MAPKAP1: variants seen among roughly 807,000 people sequenced by gnomAD.
MAPKAP1 encodes the protein target of rapamycin complex 2 subunit MAPKAP1.
In MAPKAP1, 20 loss-of-function variants were observed where a neutral mutation model predicts 65.7. The ratio of observed to expected loss-of-function variants is 0.30; its 90% confidence interval spans 0.21 to 0.44. The LOEUF (loss-of-function observed/expected upper bound fraction) is 0.44, where lower values mean the gene tolerates loss of function less well. MAPKAP1 is among the 20% of genes least tolerant of loss of function. MAPKAP1 has a pLI of 1.00. For synonymous variants in MAPKAP1, 222 were observed against 244.3 expected, an observed-to-expected ratio of 0.91 and a Z score of 0.85; for missense variants, 423 against 648.0, an observed-to-expected ratio of 0.65 and a Z score of 3.77.
intron 3 of MAPKAP1, among the ~76,000 whole-genome samples, chr9:125,660,171 G>A (rs187329201): frequency 9.9e-5 from 15 of 152,160 alleles, no homozygotes; most frequent in Non-Finnish European, 1.6e-4. Flanking sequence ...CTACATTCAC[G>A]CCACTGGTGA....
chr9:125,602,940 G>T (rs1260188339), intron 4 of MAPKAP1, among the ~76,000 whole-genome samples: 1 of 152,140 alleles, frequency 6.6e-6, no homozygotes, highest in African/African-American at 2.4e-5. Flanking sequence ...TTTTGTCCAG[G>T]CTGGAGTACA....
chr9:125,533,842 C>A (rs1830001558), intron 7 of MAPKAP1, among the ~76,000 whole-genome samples: 1 of 151,996 alleles, frequency 6.6e-6, no homozygotes, highest in Admixed American at 6.5e-5. Flanking sequence ...CACAAATATG[C>A]AATCTAGCAC....
rs1832110202 is a variant in MAPKAP1, at chr9:125,595,870, G to A, written c.499-10143C>T. 2 of 1,139,316 alleles carry A rather than the reference G, an allele frequency of 1.8e-6. No homozygotes were observed. The highest frequency in any genetic ancestry group is 1.3e-6 in the Non-Finnish European group (1 of 762,186). The allele number at this position is 1,139,316 out of a possible 1,614,324, so 70.6% of individuals were successfully genotyped here. On this transcript the variant is annotated intron_variant, in intron 4 of 11. Transcript: ENST00000265960. The surrounding 1 kb of genome is among the most constrained non-coding windows in gnomAD (Gnocchi z 4.0). ...TCACCTATGCCACTGTGGAGGAGGTGGATGCAGCCATGAATGCAAGGCCAC... is the reference window on the plus strand; with the variant it reads ...TCACCTATGCCACTGTGGAGGAGGTAGATGCAGCCATGAATGCAAGGCCAC...
chr9:125,532,330 G>A (rs1453630415), intron 7 of MAPKAP1, among the ~76,000 whole-genome samples: 2 of 152,184 alleles, frequency 1.3e-5, no homozygotes, highest in Non-Finnish European at 2.9e-5. Context: ...GTATTCAGTA[G>A]ATGTAATCAA....
At chr9:125,662,971 G>GTACT (rs1371756551) in intron 3 of MAPKAP1, among the ~76,000 whole-genome samples, 8 of 152,152 alleles carry the variant, frequency 5.3e-5, no homozygotes, top group Non-Finnish European at 1.2e-4. Context: ...GACCAGCCAT[G>GTACT]TACTGTTCAT....
rs146734905 is a variant in MAPKAP1, at chr9:125,662,044, T to C, written c.350-4245A>G. ...GAGAAAAAAGAAAAATTTGAGATGA[T>C]TAGGGAAATATGAACGATAATCGGA... On this transcript the variant is annotated intron_variant, in intron 3 of 11. Coordinates refer to ENST00000265960, the MANE Select transcript of MAPKAP1 (RefSeq NM_001006617.3). Among the ~76,000 whole-genome samples the C allele has an allele frequency of 2.6e-5, 4 of 152,226 alleles. No homozygotes were observed. The East Asian group carries it at 7.7e-4, about 29-fold the overall frequency.
intron 1 of MAPKAP1, among the ~76,000 whole-genome samples, chr9:125,702,495 T>C (rs996671933): frequency 6.7e-6 from 1 of 148,780 alleles, no homozygotes; most frequent in Admixed American, 6.7e-5. Flanking sequence ...GATCGCGCCA[T>C]TGCACTCCAG....
At position 125,610,095 on chromosome 9, in the gene MAPKAP1, G is replaced by A. The variant is rs983671347; in HGVS notation, c.499-24368C>T. On this transcript the variant is annotated intron_variant, in intron 4 of 11. Transcript: ENST00000265960. ...AATATATTTGAAAAGCTTTTTTGGA[G>A]GGAAAGTTCTTATTTGAAAAAACAT... 2.0e-5 allele frequency among the ~76,000 whole-genome samples: 3 copies of A among 152,274 alleles called. No homozygotes were observed. The South Asian group carries it at 6.2e-4, about 32-fold the overall frequency.
At chr9:125,584,717 G>A (rs1221636144) in intron 5 of MAPKAP1, among the ~76,000 whole-genome samples, 6 of 152,104 alleles carry the variant, frequency 3.9e-5, no homozygotes, top group Admixed American at 1.3e-4. Context: ...GTGAGCCCCC[G>A]CACCCAGCTG....
chr9:125,581,333 A>C (rs1454026954), intron 5 of MAPKAP1, among the ~76,000 whole-genome samples: 1 of 152,260 alleles, frequency 6.6e-6, no homozygotes, highest in Non-Finnish European at 1.5e-5. Flanking sequence ...ATGATGTATG[A>C]TACAGTTTCT....
chr9:125,692,119 G>C (rs979863912), intron 1 of MAPKAP1, among the ~76,000 whole-genome samples: 10 of 152,160 alleles, frequency 6.6e-5, no homozygotes, highest in African/African-American at 2.4e-4. Flanking sequence ...TTCTCAAAAT[G>C]TTAAACAGAG....
rs1832099998 is a variant in MAPKAP1, at chr9:125,595,613, T to C, written c.499-9886A>G. 7 of 1,386,474 alleles carry C rather than the reference T, an allele frequency of 5.0e-6. No individual in the cohort carries two copies. Among genetic ancestry groups the C allele is most frequent in the South Asian group, 4.6e-5 (3 of 65,234 alleles). 85.9% of individuals were successfully genotyped at this position (1,386,474 alleles called of 1,614,324 possible). ...CATGCTATGTTTGTCAGCTTACTCC[T>C]TTCTGCCTGTGGACACGCCAAGGAA... On this transcript the variant is annotated intron_variant, in intron 4 of 11. Transcript: ENST00000265960. The surrounding 1 kb of genome is among the most constrained non-coding windows in gnomAD (Gnocchi z 4.0).
chr9:125,581,297 T>C (rs1304757166), intron 5 of MAPKAP1, among the ~76,000 whole-genome samples: 1 of 152,272 alleles, frequency 6.6e-6, no homozygotes, highest in East Asian at 1.9e-4. Context: ...CCAGAATGAC[T>C]ATACCATTTT....
rs576252049 is a variant in MAPKAP1 at position 125,584,220 on chromosome 9, G to A, written c.671+1335C>T. 2.0e-5 allele frequency among the ~76,000 whole-genome samples: 3 copies of A among 152,266 alleles called. No individual in the cohort carries two copies. In the South Asian group the frequency reaches 6.2e-4, roughly 32 times the overall value. ...CTGACTGAACCATTTTCTAAGCCTA[G>A]GTGGCATCTTGGTGAAAGGCTTTCT... On this transcript the variant is annotated intron_variant, in intron 5 of 11. Transcript: ENST00000265960.
intron 4 of MAPKAP1, among the ~76,000 whole-genome samples, chr9:125,597,912 A>G (rs1832186709): frequency 1.3e-5 from 2 of 152,212 alleles, no homozygotes; most frequent in Admixed American, 1.3e-4. Flanking sequence ...CTTTAATAAC[A>G]TAGTAGGCAG....
At chr9:125,666,697 T>C (rs1183763308) in intron 3 of MAPKAP1, among the ~76,000 whole-genome samples, 3 of 152,170 alleles carry the variant, frequency 2.0e-5, no homozygotes, top group African/African-American at 7.2e-5. Flanking sequence ...GATTTAGATG[T>C]GGCATTTCTT....
At chr9:125,573,541 ATTTCT>A (rs1246873541) in intron 5 of MAPKAP1, among the ~76,000 whole-genome samples, 2 of 152,212 alleles carry the variant, frequency 1.3e-5, no homozygotes, top group African/African-American at 4.8e-5. Flanking sequence ...CCATTCTTTC[ATTTCT>A]TTACTTTCTT....
chr9:125,693,602 C>CATACACATATATACACACATAT (rs1835254630), intron 1 of MAPKAP1, among the ~76,000 whole-genome samples: 1 of 149,008 alleles, frequency 6.7e-6, no homozygotes, highest in Non-Finnish European at 1.5e-5. Context: ...TACACACACA[C>CATACACATATATACACACATAT]ATACACATAT....
In MAPKAP1 at chr9:125,451,252, C is replaced by T. The variant is rs141379190; in HGVS notation, c.1346-6654G>A. Among the ~76,000 whole-genome samples the T allele has an allele frequency of 1.1e-3, 168 of 152,282 alleles. 1 individual carries two copies. Among genetic ancestry groups the T allele is most frequent in the African/African-American group, 3.3e-3 (137 of 41,550 alleles). On this transcript the variant is annotated intron_variant, in intron 10 of 11. Coordinates refer to ENST00000265960, the MANE Select transcript of MAPKAP1 (RefSeq NM_001006617.3). ...CCAGTAGAGATTTCTCAGCTGTTTTCGACACTTCTTAAAGTCCTGGCTTCC... is the reference window on the plus strand; with the variant it reads ...CCAGTAGAGATTTCTCAGCTGTTTTTGACACTTCTTAAAGTCCTGGCTTCC...
Sources: gnomAD v4.1 joint callset for allele counts (sites outside exome capture counted in the v4.1 genomes callset) on GRCh38, gnomAD v4.1.1 for gene constraint, Gnocchi (gnomAD v3.1) non-coding constraint, MANE v1.5 for transcripts, NCBI Gene and HGNC (gene_info 2026-07-23, HGNC 2026-07-21) for gene names.